INTS2: variants seen among roughly 807,000 people sequenced by gnomAD.
INTS2 encodes the protein KIAA1287.
In INTS2, 57 loss-of-function variants were observed where a neutral mutation model predicts 139.6. That is an observed-to-expected ratio of 0.41 (90% CI 0.33 to 0.51). The LOEUF (loss-of-function observed/expected upper bound fraction) is 0.51, where lower values mean the gene tolerates loss of function less well. INTS2 is among the 20% of genes least tolerant of loss of function. The pLI is 0.28. For synonymous variants in INTS2, 473 were observed against 493.4 expected (o/e 0.96, Z 0.55); for missense variants, 1,196 against 1,436.7 (o/e 0.83, Z 2.71).
intron 7 of INTS2, among the ~76,000 whole-genome samples, chr17:61,908,259 A>G (rs907883082): frequency 7.9e-5 from 12 of 152,140 alleles, no homozygotes; most frequent in Non-Finnish European, 8.8e-5. Context: ...TACTAAAAAT[A>G]TAAAAATTAG....
intron 8 of INTS2, among the ~76,000 whole-genome samples, chr17:61,906,320 G>C (rs950974618): frequency 6.6e-6 from 1 of 152,102 alleles, no homozygotes; most frequent in Non-Finnish European, 1.5e-5. Flanking sequence ...AAACGCTTCT[G>C]GTCTCAAGCA....
At position 61,889,887 on chromosome 17, in the gene INTS2, T is replaced by C. The variant is rs761232885; in HGVS notation, c.1883A>G (p.Asn628Ser). Residue 628 changes from asparagine (N) to serine (S), a missense_variant, in exon 15 of 25, where the codon AAC (asparagine) becomes AGC (serine). Asn to Ser is a conservative substitution (Grantham distance 46, BLOSUM62 1). Transcript: ENST00000251334. The part of the protein sequence containing the change: ...NIFQGVIGGD[N>S]IRLNQRFSIT... ...ACTGAAACGCTGATTAAGGCGGATG[T>C]TGTCACCCTGGAGGTAATATTACAA... 1 of 1,602,664 alleles carries C rather than the reference T, an allele frequency of 6.2e-7. No individual in the cohort carries two copies. Among genetic ancestry groups the C allele is most frequent in the Non-Finnish European group, 8.5e-7 (1 of 1,170,870 alleles).
Position 61,867,571 on chromosome 17 carries a change from C to T in INTS2, c.3577G>A (p.Val1193Ile), listed in dbSNP as rs2079055638. 3 of 1,598,820 alleles carry T rather than the reference C, an allele frequency of 1.9e-6. No homozygotes were observed. In the African/African-American group the frequency reaches 4.0e-5, roughly 22 times the overall value. The change falls in exon 25 of 25, where the codon GTT becomes ATT. Residue 1193 changes from valine (V) to isoleucine (I), a missense_variant. Coordinates refer to ENST00000251334, the MANE Select transcript of INTS2 (RefSeq NM_001351695.2). The surrounding 1 kb of genome is among the most constrained non-coding windows in gnomAD (Gnocchi z 5.6). ...RTVIEIINMS[V>I]SGI is the part of the protein sequence containing the mutation. Reference sequence around the variant, plus strand: ...TAAATTTTGTTTTAAATTCCACTAACACTCATATTTATTATTTCAATTACT... The same window carrying T: ...TAAATTTTGTTTTAAATTCCACTAATACTCATATTTATTATTTCAATTACT...
At chr17:61,905,455 T>C (rs568978752) in intron 8 of INTS2, among the ~76,000 whole-genome samples, 14 of 152,238 alleles carry the variant, frequency 9.2e-5, no homozygotes, top group Admixed American at 2.6e-4. Flanking sequence ...GACTCCTGAG[T>C]AGCTGGGACT....
chr17:61,891,111 T>C lies in INTS2; in HGVS notation c.1875+402A>G, dbSNP rs545388233. The stretch of plus-strand genomic sequence containing the variant: ...GAGTTCGAGATCAGCCTGGCCAACA[T>C]GGTGAAACCCTGTCTCTACTAAAAA... On this transcript the variant is annotated intron_variant, in intron 14 of 24. Transcript: ENST00000251334. 5.5e-4 allele frequency among the ~76,000 whole-genome samples: 83 copies of C among 149,680 alleles called. 1 individual carries two copies. Among genetic ancestry groups the C allele is most frequent in the Non-Finnish European group, 1.2e-3 (78 of 67,788 alleles).
rs774228028 is a variant in INTS2, at chr17:61,876,900, T to C, written c.2456+987A>G. 6.6e-6 allele frequency among the ~76,000 whole-genome samples: 1 copy of C among 152,164 alleles called. No homozygotes were observed. The highest frequency in any genetic ancestry group is 1.5e-5 in the Non-Finnish European group (1 of 68,032). The stretch of plus-strand genomic sequence containing the variant: ...AAAAGGTATTAACTAACCCAACATA[T>C]ATGTTGAGTAAGGGGGAGGGCACTT... On this transcript the variant is annotated intron_variant, in intron 18 of 24. Coordinates refer to ENST00000251334, the MANE Select transcript of INTS2 (RefSeq NM_001351695.2). The surrounding 1 kb of genome is among the most constrained non-coding windows in gnomAD (Gnocchi z 4.1).
intron 5 of INTS2, among the ~76,000 whole-genome samples, chr17:61,916,876 AATATTG>A (rs1218701564): frequency 6.6e-6 from 1 of 152,202 alleles, no homozygotes; most frequent in Admixed American, 6.5e-5. Context: ...AATGGGAGAA[AATATTG>A]ACAAAAATGT....
intron 8 of INTS2, among the ~76,000 whole-genome samples, chr17:61,906,942 C>T (rs1025568776): frequency 8.6e-6 from 1 of 116,840 alleles, no homozygotes; most frequent in Non-Finnish European, 1.6e-5. Context: ...CCAGCCTGGG[C>T]GACAGACGGA....
chr17:61,897,434 T>C lies in INTS2; in HGVS notation c.1494+35A>G. 7.4e-6 allele frequency: 4 copies of C among 538,454 alleles called. No homozygotes were observed. Among genetic ancestry groups the C allele is most frequent in the Non-Finnish European group, 1.1e-5 (4 of 370,122 alleles). 33.4% of individuals were successfully genotyped at this position (538,454 alleles called of 1,614,324 possible). A position where few individuals can be genotyped will look rare whatever the true frequency, so the allele number is the denominator to read the frequency against. On this transcript the variant is annotated intron_variant, in intron 11 of 24. Coordinates refer to ENST00000251334, the MANE Select transcript of INTS2 (RefSeq NM_001351695.2). The surrounding 1 kb of genome is among the most constrained non-coding windows in gnomAD (Gnocchi z 4.4). Reference sequence around the variant, plus strand: ...ACAAAATGTCCAGCTTAGAAACACCTTTTTTTTTTTAGAAAGAAGTTAAAA... The same window carrying C: ...ACAAAATGTCCAGCTTAGAAACACCCTTTTTTTTTTAGAAAGAAGTTAAAA...
rs1158949893 is a variant in INTS2, at chr17:61,907,419, G to A, written c.1170C>T (p.Ile390=). Residue 390 remains isoleucine (I), a synonymous_variant, in exon 8 of 25, where the codon ATC becomes ATT. Transcript: ENST00000251334. ...AAACTATTGAATACTTGAGTCCAGC[G>A]ATCCCCATCAAAGCACAGTACAGAC... ...LLRLYCALMG[I]AGLKPTEEEA... is the part of the protein sequence containing the mutation. 1.1e-5 allele frequency: 18 copies of A among 1,585,170 alleles called. No homozygotes were observed. Among genetic ancestry groups the A allele is most frequent in the African/African-American group, 4.0e-5 (3 of 74,312 alleles).
At chr17:61,892,347 T>A (rs994111473) in intron 13 of INTS2, among the ~76,000 whole-genome samples, 15 of 152,258 alleles carry the variant, frequency 9.9e-5, no homozygotes, top group African/African-American at 2.9e-4. Context: ...CTTTACCTCC[T>A]GGGTCTTAAT....
intron 11 of INTS2, among the ~76,000 whole-genome samples, 164 bp from the exon 12 acceptor site, chr17:61,895,547 T>C (rs958549270): frequency 6.6e-6 from 1 of 152,210 alleles, no homozygotes; most frequent in Non-Finnish European, 1.5e-5. Flanking sequence ...AAAGTGTTAA[T>C]ACTCAAAAAC....
chr17:61,874,383 A>G (rs1404387708), intron 19 of INTS2, among the ~76,000 whole-genome samples: 1 of 152,250 alleles, frequency 6.6e-6, no homozygotes, highest in Admixed American at 6.5e-5. Context: ...AGTACTTATC[A>G]TAACAAGTGT....
intron 5 of INTS2, 77 bp downstream of exon 5, chr17:61,919,323 C>T: frequency 1.4e-6 from 1 of 693,466 alleles, no homozygotes. Flanking sequence ...ATTAATGTTT[C>T]TTCTTAGGTC....
chr17:61,921,462 G>T, intron 4 of INTS2: 1 of 240,870 alleles, frequency 4.2e-6, no homozygotes, highest in Admixed American at 5.4e-5. Context: ...TTAACATATT[G>T]TAAACATTTT....
intron 7 of INTS2, 105 bp downstream of exon 7, chr17:61,911,415 G>A: frequency 1.0e-6 from 1 of 953,424 alleles, no homozygotes; most frequent in Non-Finnish European, 1.5e-6. Flanking sequence ...ACTAGAAAGT[G>A]TGAGAACCAC....
At chr17:61,925,434 G>A (rs940219366) in intron 2 of INTS2, among the ~76,000 whole-genome samples, 2 of 151,800 alleles carry the variant, frequency 1.3e-5, no homozygotes, top group African/African-American at 4.8e-5. Flanking sequence ...CAAAAAAGCC[G>A]GGCATGGTGG....
At chr17:61,874,475 A>G (rs1249558836) in intron 19 of INTS2, among the ~76,000 whole-genome samples, 2 of 152,216 alleles carry the variant, frequency 1.3e-5, no homozygotes, top group Admixed American at 6.5e-5. Flanking sequence ...AAGTTTAGCA[A>G]TTGGTAAGGA....
At chr17:61,914,952 C>G (rs1367373381) in intron 5 of INTS2, among the ~76,000 whole-genome samples, 2 of 151,764 alleles carry the variant, frequency 1.3e-5, no homozygotes, top group East Asian at 3.9e-4. Context: ...GTCTGTAATC[C>G]CAGCACTTTG....
Sources: allele counts gnomAD v4.1 joint callset (sites outside exome capture counted in the v4.1 genomes callset), GRCh38; gene constraint gnomAD v4.1.1; non-coding constraint Gnocchi (gnomAD v3.1); transcripts MANE v1.5; gene names NCBI Gene and HGNC (gene_info 2026-07-23, HGNC 2026-07-21).